RGS22: variants seen among roughly 807,000 people sequenced by gnomAD.
The protein encoded by RGS22 is regulator of G-protein signaling 22.
In RGS22, 148 loss-of-function variants were observed where a neutral mutation model predicts 172.9. That is an observed-to-expected ratio of 0.86 (90% confidence interval 0.75 to 0.98). The LOEUF (loss-of-function observed/expected upper bound fraction) is 0.98. Among genes scored for constraint, RGS22 ranks in the 50% least tolerant of loss-of-function variants. The pLI, the probability that RGS22 is intolerant of heterozygous loss-of-function variation, is 0.00. For synonymous variants in RGS22, 458 were observed against 480.2 expected, an observed-to-expected ratio of 0.95 and a Z score of 0.60; for missense variants, 1,347 against 1,440.8, an observed-to-expected ratio of 0.93 and a Z score of 1.05.
At chr8:100,050,865 G>A (rs766281693) in intron 10 of RGS22, 7 of 152,082 alleles carry the variant, frequency 4.6e-5, no homozygotes, top group Non-Finnish European at 1.0e-4. Flanking sequence ...CAACTATTAT[G>A]TGCCAGGCAC....
chr8:100,045,626 C>T (rs1234396106), intron 11 of RGS22, among the ~76,000 whole-genome samples: 1 of 151,662 alleles, frequency 6.6e-6, no homozygotes, highest in African/African-American at 2.4e-5. Context: ...TGTTATAACT[C>T]CTATGAAAGA....
At chr8:100,013,006 G>A (rs1261860664) in intron 14 of RGS22, among the ~76,000 whole-genome samples, 2 of 100,812 alleles carry the variant, frequency 2.0e-5, no homozygotes, top group South Asian at 3.4e-4. Flanking sequence ...TTTTTTTTGA[G>A]ACGGAGTCAG....
chr8:100,008,540 A>G lies in RGS22; in HGVS notation c.2196T>C (p.Ser732=), dbSNP rs1178635075. Residue 732 remains serine (S), a synonymous_variant, in exon 15 of 28, where the codon TCT becomes TCC. Coordinates refer to ENST00000360863, the MANE Select transcript of RGS22 (RefSeq NM_015668.5). ...QYLFATYVAP[S]ATLDIGLQQE... is the part of the protein sequence containing the mutation. ...GTTGGAGTCCAATGTCAAGAGTGGC[A>G]GAAGGAGCAACGTATGTGGCAAAAA... 3.7e-6 allele frequency: 6 copies of G among 1,611,028 alleles called. No homozygotes were observed. The highest frequency in any genetic ancestry group is 5.1e-6 in the Non-Finnish European group (6 of 1,179,336).
intron 6 of RGS22, among the ~76,000 whole-genome samples, chr8:100,069,589 A>G (rs1332546973): frequency 6.6e-6 from 1 of 152,234 alleles, no homozygotes; most frequent in Non-Finnish European, 1.5e-5. Flanking sequence ...TTTACTACTA[A>G]GGAATAACCT....
rs566775160 is a variant in RGS22 at position 100,052,362 on chromosome 8, C to T, written c.1689+440G>A. Among the ~76,000 whole-genome samples the T allele has an allele frequency of 4.0e-5, 6 of 148,522 alleles. No homozygotes were observed. The East Asian group carries it at 9.8e-4, about 24-fold the overall frequency. Reference sequence around the variant, plus strand: ...TGTCCCCCAGGCTGGAGTGCAGTGGCGCTATCTCGGCTCACTGCAAGCTCC... The same window carrying T: ...TGTCCCCCAGGCTGGAGTGCAGTGGTGCTATCTCGGCTCACTGCAAGCTCC... On this transcript the variant is annotated intron_variant, in intron 10 of 27. Transcript: ENST00000360863.
At chr8:100,083,869 CAG>C (rs1437036866) in intron 3 of RGS22, among the ~76,000 whole-genome samples, 1 of 140,350 alleles carries the variant, frequency 7.1e-6, no homozygotes, top group African/African-American at 2.7e-5. Flanking sequence ...TTTTCTGAGA[CAG>C]AGTCTTGCTC....
intron 12 of RGS22, 92 bp from the exon 13 acceptor site, chr8:100,040,179 C>T: frequency 1.8e-6 from 2 of 1,132,494 alleles, no homozygotes; most frequent in South Asian, 2.9e-5. Flanking sequence ...CTCTACCATG[C>T]TGTCATTTTC....
At chr8:99,973,055 C>T (rs375986637) in intron 23 of RGS22, among the ~76,000 whole-genome samples, 1 of 150,536 alleles carries the variant, frequency 6.6e-6, no homozygotes, top group East Asian at 1.9e-4. Flanking sequence ...AACACTTTTA[C>T]ACTGTTGGTG....
rs538767049 is a variant in RGS22, at chr8:100,062,492, T to C, written c.1514+99A>G. 1.5e-5 allele frequency: 11 copies of C among 755,228 alleles called. No homozygotes were observed. In the African/African-American group the frequency reaches 2.0e-4, roughly 14 times the overall value. 46.8% of individuals were successfully genotyped at this position (755,228 alleles called of 1,614,324 possible). A position where few individuals can be genotyped will look rare whatever the true frequency, so the allele number is the denominator to read the frequency against. On this transcript the variant is annotated intron_variant, in intron 9 of 27. Transcript: ENST00000360863. ...CCAAAGATACAATAGTCTTGTCATTTTATGTTTCCATAAGTTATATATCCG... is the reference window on the plus strand; with the variant it reads ...CCAAAGATACAATAGTCTTGTCATTCTATGTTTCCATAAGTTATATATCCG...
chr8:100,014,496 C>T (rs750338454), intron 14 of RGS22, among the ~76,000 whole-genome samples: 54 of 152,280 alleles, frequency 3.5e-4, no homozygotes, highest in African/African-American at 1.2e-3. Flanking sequence ...ACCACATAAT[C>T]GCCAATTCAA....
chr8:100,071,325 T>C, intron 6 of RGS22, 44 bp downstream of exon 6: 1 of 1,464,714 alleles, frequency 6.8e-7, no homozygotes, highest in Non-Finnish European at 9.2e-7. Flanking sequence ...AAATCAGAAG[T>C]GTTAGTGAAG....
rs1388747974 is a variant in RGS22, at chr8:99,999,258, A to G, written c.2949+4T>C. The G allele has an allele frequency of 4.3e-6, 7 of 1,612,100 alleles. No individual in the cohort carries two copies. The highest frequency in any genetic ancestry group is 1.1e-5 in the South Asian group (1 of 90,794). On this transcript the variant is annotated splice_donor_region_variant and intron_variant, in intron 19 of 27. Transcript: ENST00000360863. ...CTATCAAAAGATTATACTAATTTAT[A>G]TACCTTTATCTTCTGACGTGCTGCA...
rs757328334 is a variant in RGS22 at position 100,071,522 on chromosome 8, G to A, written c.441C>T (p.Val147=). The change falls in exon 6 of 28, where the codon GTC becomes GTT. Residue 147 remains valine (V), a synonymous_variant. Coordinates refer to ENST00000360863, the MANE Select transcript of RGS22 (RefSeq NM_015668.5). ...CYFEYRLAKL[V]SQVRWSKSGM... ...CGGACTTGCTCCATCTTACTTGTGAGACCAATTTGGCTAACCTGCATTTTA... is the reference window on the plus strand; with the variant it reads ...CGGACTTGCTCCATCTTACTTGTGAAACCAATTTGGCTAACCTGCATTTTA... 10 of 1,601,280 alleles carry A rather than the reference G, an allele frequency of 6.2e-6. No individual in the cohort carries two copies. Among genetic ancestry groups the A allele is most frequent in the South Asian group, 3.4e-5 (3 of 88,098 alleles).
chr8:100,022,934 T>C (rs1817775654), intron 14 of RGS22, among the ~76,000 whole-genome samples: 1 of 152,032 alleles, frequency 6.6e-6, no homozygotes, highest in Admixed American at 6.6e-5. Context: ...TTTGTTATGC[T>C]GCCCAGGCTG....
chr8:100,032,534 A>G (rs1041079707), intron 14 of RGS22, among the ~76,000 whole-genome samples: 4 of 152,168 alleles, frequency 2.6e-5, no homozygotes, highest in African/African-American at 9.7e-5. Flanking sequence ...TTAGAGACCT[A>G]CAAAGAGACT....
intron 11 of RGS22, among the ~76,000 whole-genome samples, chr8:100,045,868 T>C (rs1820664677): frequency 6.6e-6 from 1 of 151,710 alleles, no homozygotes; most frequent in South Asian, 2.1e-4. Context: ...TATATATATA[T>C]GAAATAGAGC....
rs1266446927 is a variant in RGS22 at position 99,961,209 on chromosome 8, C to T, written c.*46-13G>A. 2.2e-6 allele frequency: 1 copy of T among 450,836 alleles called. No individual in the cohort carries two copies. The highest frequency in any genetic ancestry group is 2.4e-5 in the Admixed American group (1 of 41,900). 27.9% of individuals were successfully genotyped at this position (450,836 alleles called of 1,614,324 possible). On this transcript the variant is annotated splice_polypyrimidine_tract_variant and intron_variant, in intron 27 of 27. Transcript: ENST00000360863. ...GTTTAAAGAATTCCTGCAAAGGAAA[C>T]ATAAATGGATGAAAATATAAACATC...
Position 99,999,520 on chromosome 8 carries a change from C to T in RGS22, c.2791-100G>A, listed in dbSNP as rs992120618. On this transcript the variant is annotated intron_variant, in intron 18 of 27. Coordinates refer to ENST00000360863, the MANE Select transcript of RGS22 (RefSeq NM_015668.5). ...TCACTACAAAACCATTTGCTGCACCCTGAGGGGTGCCAATTTTCATTTTCT... is the reference window on the plus strand; with the variant it reads ...TCACTACAAAACCATTTGCTGCACCTTGAGGGGTGCCAATTTTCATTTTCT... 1.1e-5 allele frequency: 14 copies of T among 1,244,430 alleles called. No individual in the cohort carries two copies. In the African/African-American group the frequency reaches 1.5e-4, roughly 14 times the overall value. 77.1% of individuals were successfully genotyped at this position (1,244,430 alleles called of 1,614,324 possible).
intron 6 of RGS22, among the ~76,000 whole-genome samples, chr8:100,068,560 C>G (rs1334746281): frequency 2.6e-5 from 4 of 152,088 alleles, no homozygotes; most frequent in Non-Finnish European, 5.9e-5. Context: ...TGATTCTTCC[C>G]TTTACATGTT....
Sources: gnomAD v4.1 joint callset for allele counts (sites outside exome capture counted in the v4.1 genomes callset) on GRCh38, gnomAD v4.1.1 for gene constraint, MANE v1.5 for transcripts, NCBI Gene and HGNC (gene_info 2026-07-23, HGNC 2026-07-21) for gene names.